The following MPP7 variants were observed in gnomAD, a reference collection of about 807,000 sequenced individuals.
The protein encoded by MPP7 is MAGUK p55 subfamily member 7.
In MPP7, 60 loss-of-function variants were observed where a neutral mutation model predicts 76.5. That is an observed-to-expected ratio of 0.78 (90% CI 0.64 to 0.97). The LOEUF is 0.97. Among genes scored for constraint, MPP7 ranks in the 50% least tolerant of loss-of-function variants. MPP7 has a pLI of 0.00. For synonymous variants in MPP7, 237 were observed against 244.5 expected, an observed-to-expected ratio of 0.97 and a Z score of 0.29; for missense variants, 641 against 694.0, an observed-to-expected ratio of 0.92 and a Z score of 0.86.
intron 3 of MPP7, among the ~76,000 whole-genome samples, chr10:28,175,383 T>C (rs1389229383): frequency 6.6e-6 from 1 of 151,944 alleles, no homozygotes; most frequent in African/African-American, 2.4e-5. Flanking sequence ...AAGTAGAGTT[T>C]GAAGTAAAGG....
chr10:28,180,735 G>A (rs186326801), intron 3 of MPP7, among the ~76,000 whole-genome samples: 2 of 152,118 alleles, frequency 1.3e-5, no homozygotes, highest in Non-Finnish European at 2.9e-5. Flanking sequence ...ACAAGCCCAC[G>A]TGCTCAGACC....
At chr10:28,070,453 A>T (rs1187395821) in intron 12 of MPP7, among the ~76,000 whole-genome samples, 1 of 152,228 alleles carries the variant, frequency 6.6e-6, no homozygotes, top group Non-Finnish European at 1.5e-5. Context: ...GCCTAAAAAC[A>T]TGTCTACCTA....
At chr10:28,238,493 A>C (rs1839153403) in intron 2 of MPP7, 75 bp downstream of exon 2, 9 of 1,490,054 alleles carry the variant, frequency 6.0e-6, no homozygotes, top group Non-Finnish European at 8.4e-6. Flanking sequence ...CATTTGCTTA[A>C]AGCATGCTGT....
chr10:28,214,030 G>C (rs1250926828), intron 2 of MPP7, among the ~76,000 whole-genome samples: 1 of 152,058 alleles, frequency 6.6e-6, no homozygotes, highest in Non-Finnish European at 1.5e-5. Flanking sequence ...TGTTATCAAT[G>C]TTTAATCTGG....
intron 11 of MPP7, among the ~76,000 whole-genome samples, chr10:28,115,389 C>T (rs949656112): frequency 2.0e-5 from 3 of 152,088 alleles, no homozygotes; most frequent in African/African-American, 4.8e-5. Context: ...AGGCGTGAGC[C>T]GCTGTGCCCG....
intron 6 of MPP7, among the ~76,000 whole-genome samples, chr10:28,125,520 T>C (rs1481856100): frequency 6.6e-6 from 1 of 152,130 alleles, no homozygotes; most frequent in Non-Finnish European, 1.5e-5. Context: ...ATTCTATATG[T>C]TAAAAAACTA....
chr10:28,255,198 C>T (rs976035701), intron 1 of MPP7, among the ~76,000 whole-genome samples: 2 of 152,126 alleles, frequency 1.3e-5, no homozygotes, highest in Non-Finnish European at 2.9e-5. Flanking sequence ...ACTGCAACCT[C>T]TGCCTCCCAG....
chr10:28,186,796 A>C (rs769619536), intron 3 of MPP7, among the ~76,000 whole-genome samples: 3 of 152,200 alleles, frequency 2.0e-5, no homozygotes, highest in Non-Finnish European at 2.9e-5. Flanking sequence ...TTAGTAGAGC[A>C]ATTTGGTTAA....
chr10:28,111,125 G>A (rs1273186493), intron 11 of MPP7, among the ~76,000 whole-genome samples: 4 of 151,668 alleles, frequency 2.6e-5, no homozygotes, highest in Non-Finnish European at 5.9e-5. Flanking sequence ...TTTCCTCTGA[G>A]AAGCACAAAG....
At chr10:28,284,491 T>TAA (rs2133108804) in intron 1 of MPP7, among the ~76,000 whole-genome samples, 1 of 152,286 alleles carries the variant, frequency 6.6e-6, no homozygotes, top group African/African-American at 2.4e-5. Flanking sequence ...TGAAGAAAGT[T>TAA]GCCTTCCCTT....
intron 3 of MPP7, among the ~76,000 whole-genome samples, chr10:28,198,302 C>G (rs571661127): frequency 1.1e-4 from 16 of 152,180 alleles, no homozygotes; most frequent in Admixed American, 5.9e-4. Context: ...ATAGGCCAGG[C>G]GCAGTGGCTC....
intron 1 of MPP7, among the ~76,000 whole-genome samples, chr10:28,260,439 T>C (rs762620623): frequency 6.6e-6 from 1 of 152,124 alleles, no homozygotes; most frequent in African/African-American, 2.4e-5. Context: ...CTAAAACATA[T>C]GAAAATACCA....
chr10:28,058,452 G>T, intron 15 of MPP7, 43 bp downstream of exon 15: 2 of 1,057,944 alleles, frequency 1.9e-6, no homozygotes, highest in Non-Finnish European at 2.8e-6. Flanking sequence ...TGCTGTAGAT[G>T]ACATGGGTCA....
chr10:28,145,300 T>C (rs745904456), intron 5 of MPP7, among the ~76,000 whole-genome samples: 1 of 149,710 alleles, frequency 6.7e-6, no homozygotes, highest in Admixed American at 6.8e-5. Flanking sequence ...TAAAATGAAA[T>C]AGGAAATCTT....
chr10:28,252,993 T>A (rs890644163), intron 1 of MPP7, among the ~76,000 whole-genome samples: 10 of 152,196 alleles, frequency 6.6e-5, no homozygotes, highest in Admixed American at 2.6e-4. Flanking sequence ...CTGCAACTTC[T>A]GCCTCCCTGG....
intron 1 of MPP7, among the ~76,000 whole-genome samples, chr10:28,281,558 G>C (rs1322121437): frequency 6.6e-6 from 1 of 152,094 alleles, no homozygotes; most frequent in East Asian, 1.9e-4. Context: ...TTATTGACCA[G>C]ATAGCAGAGA....
intron 6 of MPP7, among the ~76,000 whole-genome samples, chr10:28,127,888 C>T (rs1835069865): frequency 6.6e-6 from 1 of 152,146 alleles, no homozygotes; most frequent in Non-Finnish European, 1.5e-5. Flanking sequence ...TGAATAAAGA[C>T]TGGACGGAGG....
At chr10:28,098,058 C>T (rs1295991157) in intron 11 of MPP7, among the ~76,000 whole-genome samples, 1 of 152,024 alleles carries the variant, frequency 6.6e-6, no homozygotes, top group Non-Finnish European at 1.5e-5. Flanking sequence ...AACCTTAATG[C>T]TTACATACAT....
chr10:28,134,532 T>C (rs1835295206), intron 5 of MPP7, among the ~76,000 whole-genome samples: 1 of 152,230 alleles, frequency 6.6e-6, no homozygotes, highest in African/African-American at 2.4e-5. Flanking sequence ...TAAATGTTTT[T>C]TTCCTTTGTG....
Sources: gnomAD v4.1 joint callset for allele counts (sites outside exome capture counted in the v4.1 genomes callset) on GRCh38, gnomAD v4.1.1 for gene constraint, MANE v1.5 for transcripts, NCBI Gene and HGNC (gene_info 2026-07-23, HGNC 2026-07-21) for gene names.